The following PJA2 variants were observed in gnomAD, a reference collection of about 807,000 sequenced individuals.
The protein encoded by PJA2 is E3 ubiquitin-protein ligase Praja-2.
A neutral mutation model predicts 69.3 loss-of-function variants in PJA2; 25 were observed. The ratio of observed to expected loss-of-function variants is 0.36; its 90% CI spans 0.26 to 0.50. The LOEUF (loss-of-function observed/expected upper bound fraction) is 0.50, where lower values mean the gene tolerates loss of function less well. Among genes scored for constraint, PJA2 ranks in the 20% least tolerant of loss-of-function variants. The pLI, the probability that PJA2 is intolerant of heterozygous loss-of-function variation, is 0.96. For missense variants in PJA2, 809 were observed against 830.2 expected, an observed-to-expected ratio of 0.97 and a Z score of 0.31; for synonymous variants, 308 against 277.8, an observed-to-expected ratio of 1.11 and a Z score of -1.08.
chr5:109,364,785 A>G (rs550959136), intron 5 of PJA2, among the ~76,000 whole-genome samples: 16 of 147,546 alleles, frequency 1.1e-4, no homozygotes, highest in Admixed American at 8.1e-4. Flanking sequence ...TAAAAAAAAA[A>G]CTGTAAGAAA....
rs1437808202 is a variant in PJA2, at chr5:109,374,820, G to A, written c.1283+3384C>T. Among the ~76,000 whole-genome samples, 6 of 152,286 alleles carry A rather than the reference G, an allele frequency of 3.9e-5. No homozygotes were observed. In the East Asian group the frequency reaches 7.7e-4, roughly 20 times the overall value. ...GCATGCCTCTCTTCAGAGCAGTTAG[G>A]CCCAAGGTTAAGATATGCTAGTATT... On this transcript the variant is annotated intron_variant, in intron 4 of 9. Coordinates refer to ENST00000361189, the MANE Select transcript of PJA2 (RefSeq NM_014819.5).
At position 109,378,981 on chromosome 5, in the gene PJA2, T is replaced by G; in HGVS notation, c.506A>C (p.Asp169Ala). The G allele has an allele frequency of 6.2e-7, 1 of 1,614,188 alleles. No homozygotes were observed. The highest frequency in any genetic ancestry group is 1.1e-5 in the South Asian group (1 of 91,084). Residue 169 changes from aspartate (D) to alanine (A), a missense_variant, in exon 4 of 10, where the codon GAT becomes GCT. By Grantham distance (126) the Asp-to-Ala change is moderately radical. This residue lies in a region of PJA2 where 700 missense variants were observed against 639.5 expected (regional missense o/e 1.09). Transcript: ENST00000361189. ...ATCTTCTCCATGTTTGCCATCTGGA[T>G]CATAAGAGTCTGTATGAACCAATGC... ...GIALVHTDSY[D>A]PDGKHGEDND...
At position 109,379,235 on chromosome 5, in the gene PJA2, T is replaced by C. The variant is rs1206567105; in HGVS notation, c.252A>G (p.Gln84=). The change falls in exon 4 of 10, where the codon CAA becomes CAG. Residue 84 remains glutamine (Q), a synonymous_variant. Transcript: ENST00000361189. The stretch of plus-strand genomic sequence containing the variant: ...GTTCACTGGGTAAAGAAGAATCAAC[T>C]TGATCCAAAGGACTGGAACCTTCAT... ...ENSSGSSPLD[Q]VDSSLPSEPI... is the part of the protein sequence containing the mutation. 3.7e-6 allele frequency: 6 copies of C among 1,610,886 alleles called. No homozygotes were observed. The highest frequency in any genetic ancestry group is 3.3e-5 in the South Asian group (3 of 90,578).
intron 1 of PJA2, among the ~76,000 whole-genome samples, chr5:109,391,298 T>C (rs1325848500): frequency 1.3e-5 from 2 of 152,186 alleles, no homozygotes; most frequent in Non-Finnish European, 2.9e-5. Flanking sequence ...TCAATATCCC[T>C]TTCTGAAAAT....
In PJA2 at chr5:109,340,655, C is replaced by CT. The variant is rs1561338772; in HGVS notation, c.2002-3300_2002-3299insA. Among the ~76,000 whole-genome samples the CT allele has an allele frequency of 3.0e-3, 13 of 4,320 alleles. 1 individual carries two copies. The highest frequency in any genetic ancestry group is 5.3e-3 in the Non-Finnish European group (9 of 1,708). The allele number at this position is 4,320 out of a possible 152,430, so 2.8% of individuals were successfully genotyped here. A position where few individuals can be genotyped will look rare whatever the true frequency, so the allele number is the denominator to read the frequency against. On this transcript the variant is annotated intron_variant, in intron 9 of 9. Coordinates refer to ENST00000361189, the MANE Select transcript of PJA2 (RefSeq NM_014819.5). ...CCCTCCCCCTCCCCCTCCCCCTCCCCCTCCCCCTCCCCCTCCCTCTCCCCA... is the reference window on the plus strand; with the variant it reads ...CCCTCCCCCTCCCCCTCCCCCTCCCCTCTCCCCCTCCCCCTCCCTCTCCCCA...
At chr5:109,360,595 C>G (rs911839347) in intron 6 of PJA2, among the ~76,000 whole-genome samples, 1 of 152,118 alleles carries the variant, frequency 6.6e-6, no homozygotes, top group Non-Finnish European at 1.5e-5. Context: ...GACGCTGCCA[C>G]ATAAATTAAT....
intron 6 of PJA2, among the ~76,000 whole-genome samples, chr5:109,361,789 A>C (rs1379637896): frequency 6.6e-6 from 1 of 152,244 alleles, no homozygotes; most frequent in Non-Finnish European, 1.5e-5. Flanking sequence ...TACTTCCCCA[A>C]AATGGTGATA....
chr5:109,396,758 A>G (rs1747422966), intron 1 of PJA2, among the ~76,000 whole-genome samples: 1 of 82,910 alleles, frequency 1.2e-5, no homozygotes, highest in South Asian at 4.4e-4. Flanking sequence ...CAAGACCAAA[A>G]AAAGAAAAAA....
chr5:109,366,933 A>C (rs1049206129), intron 5 of PJA2, among the ~76,000 whole-genome samples: 2 of 152,008 alleles, frequency 1.3e-5, no homozygotes, highest in African/African-American at 4.8e-5. Flanking sequence ...GGAGTTCAAG[A>C]CCAACCTGGC....
intron 4 of PJA2, among the ~76,000 whole-genome samples, chr5:109,372,628 G>A (rs1365461301): frequency 3.9e-5 from 6 of 152,176 alleles, no homozygotes; most frequent in South Asian, 2.1e-4. Context: ...ATATAGGGCC[G>A]GGTGCAGTGG....
At chr5:109,390,180 T>A (rs1041440812) in intron 1 of PJA2, among the ~76,000 whole-genome samples, 3 of 152,026 alleles carry the variant, frequency 2.0e-5, no homozygotes, top group African/African-American at 7.2e-5. Context: ...ACCAGTTACT[T>A]TGAATGTATT....
rs573656643 is a variant in PJA2 at position 109,340,561 on chromosome 5, T to C, written c.2002-3205A>G. ...CAAAAACAGAGTTCACAGAGAAGAC[T>C]GAAATAAAACACTTCCTTTATTTAA... On this transcript the variant is annotated intron_variant, in intron 9 of 9. Coordinates refer to ENST00000361189, the MANE Select transcript of PJA2 (RefSeq NM_014819.5). Among the ~76,000 whole-genome samples, 9 of 148,172 alleles carry C rather than the reference T, an allele frequency of 6.1e-5. No individual in the cohort carries two copies. The South Asian group carries it at 1.7e-3, about 28-fold the overall frequency.
chr5:109,338,338 C>T (rs1284486348), intron 9 of PJA2, among the ~76,000 whole-genome samples: 1 of 152,066 alleles, frequency 6.6e-6, no homozygotes, highest in African/African-American at 2.4e-5. Context: ...ATTACGTTTA[C>T]CGTTTAAGAA....
At chr5:109,365,803 T>A (rs905762484) in intron 5 of PJA2, among the ~76,000 whole-genome samples, 2 of 152,216 alleles carry the variant, frequency 1.3e-5, no homozygotes, top group Non-Finnish European at 1.5e-5. Context: ...TCATGAGTCA[T>A]GTGACCAATT....
intron 6 of PJA2, 125 bp from the exon 7 acceptor site, chr5:109,356,151 A>T (rs890809063): frequency 1.6e-6 from 1 of 636,890 alleles, no homozygotes; most frequent in Admixed American, 2.8e-5. Context: ...AGACCTTAAA[A>T]TATTTTAATA....
At chr5:109,402,655 T>G (rs78581022) in intron 1 of PJA2, among the ~76,000 whole-genome samples, 1 of 152,126 alleles carries the variant, frequency 6.6e-6, no homozygotes, top group African/African-American at 2.4e-5. Flanking sequence ...CTAACAAGCA[T>G]CATCAATCAA....
At chr5:109,389,116 G>C (rs532051143) in intron 1 of PJA2, among the ~76,000 whole-genome samples, 2 of 152,006 alleles carry the variant, frequency 1.3e-5, no homozygotes, top group African/African-American at 4.8e-5. Context: ...AAATAGTCTC[G>C]TCATGCTTTT....
At chr5:109,375,938 G>T (rs1325853193) in intron 4 of PJA2, among the ~76,000 whole-genome samples, 1 of 152,150 alleles carries the variant, frequency 6.6e-6, no homozygotes, top group Non-Finnish European at 1.5e-5. Flanking sequence ...CAGAGTTTCT[G>T]TTCAGAAATA....
At chr5:109,406,733 A>C (rs1440893052) in intron 1 of PJA2, among the ~76,000 whole-genome samples, 4 of 152,254 alleles carry the variant, frequency 2.6e-5, no homozygotes, top group African/African-American at 9.6e-5. Context: ...TGAATAAAGG[A>C]ATGTTCAACA....
Sources: gnomAD v4.1 joint callset for allele counts (sites outside exome capture counted in the v4.1 genomes callset) on GRCh38, gnomAD v4.1.1 for gene constraint, gnomAD v4.1.1 regional missense constraint, MANE v1.5 for transcripts, NCBI Gene and HGNC (gene_info 2026-07-23, HGNC 2026-07-21) for gene names.